PLXNA4: variants seen among roughly 807,000 people sequenced by gnomAD.
PLXNA4 encodes plexin-A4.
PLXNA4 carries 44 observed loss-of-function variants against 191.8 expected under a neutral mutation model. That is an observed-to-expected ratio of 0.23 (90% CI 0.18 to 0.29). The LOEUF is 0.29. Ranked by LOEUF, PLXNA4 falls within the 10% of genes least tolerant of loss-of-function variation. The pLI is 1.00. For synonymous variants in PLXNA4, 1,082 were observed against 1,009.5 expected (o/e 1.07, Z -1.36); for missense variants, 1,800 against 2,488.8 (o/e 0.72, Z 5.89).
At chr7:132,530,707 G>A (rs1799586259) in intron 1 of PLXNA4, among the ~76,000 whole-genome samples, 1 of 152,162 alleles carries the variant, frequency 6.6e-6, no homozygotes, top group African/African-American at 2.4e-5. Context: ...GCTAAACATA[G>A]AATTACCACA....
chr7:132,634,462 G>GCACACA (rs146537137), intron 2 of PLXNA4, among the ~76,000 whole-genome samples: 14 of 146,632 alleles, frequency 9.5e-5, no homozygotes, highest in Middle Eastern at 3.8e-3. Flanking sequence ...CACTGCCCCA[G>GCACACA]CACACACACA....
At chr7:132,271,362 T>A (rs1235417907) in intron 4 of PLXNA4, 2 of 134,256 alleles carry the variant, frequency 1.5e-5, no homozygotes, top group Non-Finnish European at 1.6e-5. Context: ...ACCATCACAA[T>A]AAAACCTTAC....
At chr7:132,548,331 G>A (rs142863766) in intron 1 of PLXNA4, among the ~76,000 whole-genome samples, 11 of 152,156 alleles carry the variant, frequency 7.2e-5, no homozygotes, top group African/African-American at 2.7e-4. Flanking sequence ...AAGCAGATGA[G>A]GCTAGGGCAA....
At chr7:132,609,393 CTTCT>C (rs1451338117) in intron 2 of PLXNA4, among the ~76,000 whole-genome samples, 1 of 152,100 alleles carries the variant, frequency 6.6e-6, no homozygotes, top group Non-Finnish European at 1.5e-5. Context: ...AAGCCTCATC[CTTCT>C]TTCACATATG....
chr7:132,536,015 T>G (rs887182318), intron 1 of PLXNA4, among the ~76,000 whole-genome samples: 8 of 152,154 alleles, frequency 5.3e-5, no homozygotes, highest in Non-Finnish European at 1.0e-4. Context: ...CTCTCCTGCT[T>G]CCCACAGCAA....
At chr7:132,189,003 AG>A (rs1562908918) in intron 14 of PLXNA4, among the ~76,000 whole-genome samples, 7 of 33,066 alleles carry the variant, frequency 2.1e-4, no homozygotes, top group South Asian at 1.6e-3. Context: ...GGAGAGAGAG[AG>A]AGAGAGAGAG....
At chr7:132,446,355 C>A (rs2288986) in intron 3 of PLXNA4, among the ~76,000 whole-genome samples, 5,440 of 152,252 alleles carry the variant, frequency 0.036, 322 homozygotes, top group East Asian at 0.29. Context: ...TCCCATTATG[C>A]AAGAGGAAGT....
chr7:132,314,399 C>G (rs986588530), intron 3 of PLXNA4, among the ~76,000 whole-genome samples: 21 of 152,156 alleles, frequency 1.4e-4, no homozygotes, highest in Admixed American at 7.9e-4. Flanking sequence ...TGTGGTGTGG[C>G]CCCTTCTCCC....
chr7:132,161,222 G>A (rs1018798890), intron 24 of PLXNA4, among the ~76,000 whole-genome samples: 1 of 152,236 alleles, frequency 6.6e-6, no homozygotes, highest in African/African-American at 2.4e-5. Flanking sequence ...AGGGACCCAT[G>A]GGGCAGAGGC....
intron 30 of PLXNA4, among the ~76,000 whole-genome samples, chr7:132,133,441 G>A (rs561453876): frequency 7.2e-5 from 11 of 152,300 alleles, no homozygotes; most frequent in African/African-American, 2.6e-4. Flanking sequence ...GATTTGGGGA[G>A]TGGCCAAGAC....
chr7:132,387,343 T>C (rs750184375), intron 3 of PLXNA4, among the ~76,000 whole-genome samples: 2 of 152,220 alleles, frequency 1.3e-5, no homozygotes, highest in African/African-American at 2.4e-5. Context: ...TCTGAGCTAA[T>C]AGATTATAAA....
Position 132,211,162 on chromosome 7 carries a change from G to T in PLXNA4, c.2098-19C>A, listed in dbSNP as rs1249884340. 6.5e-7 allele frequency: 1 copy of T among 1,549,364 alleles called. No individual in the cohort carries two copies. The highest frequency in any genetic ancestry group is 8.7e-7 in the Non-Finnish European group (1 of 1,145,480). ...GGCAGTCCTGGGGACAGAGGGCATG[G>T]CTCAGGCTGGGCAGCCAGGAAACCA... On this transcript the variant is annotated intron_variant, in intron 9 of 31. Coordinates refer to ENST00000321063, the MANE Select transcript of PLXNA4 (RefSeq NM_020911.2).
At chr7:132,169,390 AG>A (rs1054703988) in intron 21 of PLXNA4, among the ~76,000 whole-genome samples, 4 of 152,302 alleles carry the variant, frequency 2.6e-5, no homozygotes, top group Admixed American at 2.6e-4. Context: ...TGAGATGTCC[AG>A]GGGTGTGCAT....
At chr7:132,519,627 C>T (rs927508870) in intron 1 of PLXNA4, among the ~76,000 whole-genome samples, 3 of 152,238 alleles carry the variant, frequency 2.0e-5, no homozygotes, top group Admixed American at 2.0e-4. Context: ...GCCTCTCTAG[C>T]TGCTCTGGCC....
intron 30 of PLXNA4, among the ~76,000 whole-genome samples, chr7:132,136,144 C>T (rs1047592984): frequency 6.6e-6 from 1 of 152,176 alleles, no homozygotes; most frequent in Non-Finnish European, 1.5e-5. Flanking sequence ...GCACCTTGTG[C>T]CTGACGCTGA....
rs561288261 is a variant in PLXNA4 at position 132,395,278 on chromosome 7, C to T, written c.1371+94014G>A. ...GACAGGACCATGGGTTTTATGGGGG[C>T]TAGTTGGCATGGCTGAGGACAAGGG... On this transcript the variant is annotated intron_variant, in intron 3 of 31. Transcript: ENST00000321063. 3.9e-5 allele frequency among the ~76,000 whole-genome samples: 6 copies of T among 152,200 alleles called. No homozygotes were observed. The South Asian group carries it at 1.2e-3, about 32-fold the overall frequency.
chr7:132,169,795 G>A (rs77965724), intron 21 of PLXNA4, among the ~76,000 whole-genome samples: 3,188 of 152,000 alleles, frequency 0.021, 100 homozygotes, highest in African/African-American at 0.073. Context: ...TTGGGGAAAA[G>A]TCATCGAGCT....
upstream of PLXNA4, chr7:132,576,562 G>T (rs938051596): frequency 2.0e-6 from 2 of 985,938 alleles, no homozygotes; most frequent in African/African-American, 3.5e-5. This position sits in a 1 kb window ranked among gnomAD's most constrained non-coding sequence, Gnocchi z 5.8. Flanking sequence ...AGCCCCGAAC[G>T]CAAATACTCC....
At chr7:132,264,684 C>CTTTT (rs56218905) in intron 4 of PLXNA4, among the ~76,000 whole-genome samples, 21 of 130,326 alleles carry the variant, frequency 1.6e-4, no homozygotes, top group Non-Finnish European at 2.4e-4. Context: ...GTCCTCCCCG[C>CTTTT]TTTTTTTTTT....
Sources: allele counts gnomAD v4.1 joint callset (sites outside exome capture counted in the v4.1 genomes callset), GRCh38; gene constraint gnomAD v4.1.1; non-coding constraint Gnocchi (gnomAD v3.1); transcripts MANE v1.5; gene names NCBI Gene and HGNC (gene_info 2026-07-23, HGNC 2026-07-21).